Variants in NLRP2 observed in about 807,000 individuals in gnomAD.
The protein encoded by NLRP2 is NLR family pyrin domain containing 2.
Under a neutral mutation model 97.2 loss-of-function variants are expected in NLRP2, and 107 were observed. The observed-to-expected ratio is 1.10, with a 90% CI of 0.94 to 1.29. The LOEUF (loss-of-function observed/expected upper bound fraction) is 1.29, where lower values mean the gene tolerates loss of function less well. Ranked by LOEUF, NLRP2 falls within the 50% of genes most tolerant of loss-of-function variation. The probability of loss-of-function intolerance (pLI) is 0.00; values close to 1 mark genes in which losing one functional copy is unlikely to be tolerated. For synonymous variants in NLRP2, 663 were observed against 551.5 expected, an observed-to-expected ratio of 1.20 and a Z score of -2.83; for missense variants, 1,495 against 1,330.3, an observed-to-expected ratio of 1.12 and a Z score of -1.93.
intron 11 of NLRP2, among the ~76,000 whole-genome samples, chr19:54,995,089 G>A (rs750389889): frequency 1.3e-5 from 2 of 150,782 alleles, no homozygotes; most frequent in Non-Finnish European, 3.0e-5. Flanking sequence ...CGAAGCGGGC[G>A]GATCACTTAA....
At chr19:54,995,271 A>G (rs918838968) in intron 11 of NLRP2, among the ~76,000 whole-genome samples, 7 of 144,174 alleles carry the variant, frequency 4.9e-5, no homozygotes, top group Non-Finnish European at 1.1e-4. Flanking sequence ...GCTCACTGCA[A>G]CCTCCACCTC....
rs546904598 is a variant in NLRP2, at chr19:54,995,871, G to A, written c.2879+1432G>A. ...AGCCTGGCCAACACAATGAAGCCCT[G>A]TCTCTACTGAAAGTACAAAAATCCG... is the stretch of plus-strand genomic sequence containing the variant. On this transcript the variant is annotated intron_variant, in intron 11 of 12. Coordinates refer to ENST00000448584, the MANE Select transcript of NLRP2 (RefSeq NM_017852.5). Among the ~76,000 whole-genome samples the A allele has an allele frequency of 2.9e-4, 44 of 151,916 alleles. 1 individual carries two copies. The highest frequency in any genetic ancestry group is 6.8e-3 in the Middle Eastern group (2 of 294).
At chr19:55,000,672 C>T (rs1420406358) in intron 12 of NLRP2, 88 bp from the exon 13 acceptor site, 29 of 1,378,788 alleles carry the variant, frequency 2.1e-5, no homozygotes, top group Non-Finnish European at 2.9e-5. Context: ...TGCCCTGTGC[C>T]TCCTTAACAG....
chr19:54,970,107 C>T lies in NLRP2; in HGVS notation c.92C>T (p.Thr31Met), dbSNP rs775714992. 1.6e-4 allele frequency: 263 copies of T among 1,613,992 alleles called. 1 individual carries two copies. The highest frequency in any genetic ancestry group is 2.1e-4 in the South Asian group (19 of 91,090). The change falls in exon 2 of 13, where the codon ACG becomes ATG. Residue 31 changes from threonine (T) to methionine (M), a missense_variant. By Grantham distance (81) the Thr-to-Met change is moderately conservative. Coordinates refer to ENST00000448584, the MANE Select transcript of NLRP2 (RefSeq NM_017852.5). Reference protein sequence around the residue: ...DELSKFKYLITTFSLAHELQK... With the variant: ...DELSKFKYLIMTFSLAHELQK... ...TTGAGCAAGTTCAAGTATCTGATCACGACCTTCTCCCTGGCACACGAGCTC... is the reference window on the plus strand; with the variant it reads ...TTGAGCAAGTTCAAGTATCTGATCATGACCTTCTCCCTGGCACACGAGCTC...
At chr19:54,984,483 A>ATATTTTTTTTTTTTTTTTTTTTT (rs1568505832) in intron 6 of NLRP2, among the ~76,000 whole-genome samples, 1 of 46,190 alleles carries the variant, frequency 2.2e-5, no homozygotes. Flanking sequence ...TATATTCCCA[A>ATATTTTTTTTTTTTTTTTTTTTT]TCTTTTTTTT....
At chr19:54,984,932 A>G (rs111509078) in intron 6 of NLRP2, 115 bp from the exon 7 acceptor site, 18 of 960,994 alleles carry the variant, frequency 1.9e-5, no homozygotes, top group Middle Eastern at 3.1e-4. Flanking sequence ...AAGTGATTAC[A>G]TGGTCCAGCT....
chr19:54,982,844 T>C lies in NLRP2; in HGVS notation c.1146T>C (p.Phe382=), dbSNP rs768747786. The C allele has an allele frequency of 1.2e-5, 19 of 1,613,148 alleles. No individual in the cohort carries two copies. The highest frequency in any genetic ancestry group is 1.5e-5 in the Non-Finnish European group (18 of 1,179,906). Residue 382 remains phenylalanine, a synonymous_variant, in exon 6 of 13, where the codon TTT becomes TTC. Coordinates refer to ENST00000448584, the MANE Select transcript of NLRP2 (RefSeq NM_017852.5). ...ACGAGGACCAAGCCATGCGTGCCTT[T>C]GAGCTAATGAGGAGCAACGCGGCCC... ...FGDEDQAMRA[F]ELMRSNAALF... is the part of the protein sequence containing the mutation.
chr19:55,000,986 A>C lies in NLRP2; in HGVS notation c.*88A>C. ...GTGACTCCTCTCCTCCCCGGCCCCT[A>C]CCCCTCAGGGATAATGAGTTCATTG... is the stretch of plus-strand genomic sequence containing the variant. On this transcript the variant is annotated 3_prime_UTR_variant, in exon 13 of 13. Transcript: ENST00000448584. 1.7e-6 allele frequency: 2 copies of C among 1,192,278 alleles called. No individual in the cohort carries two copies. Among genetic ancestry groups the C allele is most frequent in the Non-Finnish European group, 2.5e-6 (2 of 803,606 alleles). The allele number at this position is 1,192,278 out of a possible 1,614,324, so 73.9% of individuals were successfully genotyped here.
At chr19:54,990,335 T>C in intron 9 of NLRP2, 143 bp downstream of exon 9, 1 of 1,135,260 alleles carries the variant, frequency 8.8e-7, no homozygotes, top group Non-Finnish European at 1.3e-6. Context: ...CGATGGCCTG[T>C]GAATTTTGTT....
At chr19:54,977,901 GA>G (rs1263450380) in intron 4 of NLRP2, 78 bp downstream of exon 4, 4 of 1,281,878 alleles carry the variant, frequency 3.1e-6, no homozygotes, top group Non-Finnish European at 3.4e-6. Context: ...TTCCTTTGAA[GA>G]ACCCCATCTC....
Position 55,001,036 on chromosome 19 carries a change from T to A in NLRP2, c.*138T>A. 1.3e-6 allele frequency: 1 copy of A among 752,776 alleles called. No homozygotes were observed. The highest frequency in any genetic ancestry group is 2.3e-6 in the Non-Finnish European group (1 of 436,308). The allele number at this position is 752,776 out of a possible 1,614,324, so 46.6% of individuals were successfully genotyped here. ...GCTGGGCTAGATGTTTTAGCCATGA[T>A]TCTGCCTCTGTTTTATACCTGCACA... On this transcript the variant is annotated 3_prime_UTR_variant, in exon 13 of 13. Transcript: ENST00000448584.
chr19:54,969,100 C>T (rs1344532747), intron 1 of NLRP2, among the ~76,000 whole-genome samples: 3 of 152,068 alleles, frequency 2.0e-5, no homozygotes, highest in African/African-American at 7.2e-5. Flanking sequence ...CTATGCTTGT[C>T]CTTTCATTGT....
At position 54,969,996 on chromosome 19, in the gene NLRP2, C is replaced by A; in HGVS notation, c.-17-3C>A. On this transcript the variant is annotated splice_polypyrimidine_tract_variant and splice_region_variant and intron_variant, in intron 1 of 12. Coordinates refer to ENST00000448584, the MANE Select transcript of NLRP2 (RefSeq NM_017852.5). ...TCCACTCCTCCCTTGATTGTCATCA[C>A]AGCTCCCACGTGGGACAAGATGGTG... 1 of 1,612,602 alleles carries A rather than the reference C, an allele frequency of 6.2e-7. No homozygotes were observed. Among genetic ancestry groups the A allele is most frequent in the African/African-American group, 1.3e-5 (1 of 75,000 alleles).
rs776255691 is a variant in NLRP2, at chr19:54,970,209, G to A, written c.194G>A (p.Ser65Asn). Residue 65 changes from serine to asparagine, a missense_variant, in exon 2 of 13, where the codon AGC becomes AAC. Ser to Asn is a conservative substitution (Grantham distance 46, BLOSUM62 1). Transcript: ENST00000448584. Reference protein sequence around the residue: ...LVEILTTHCDSYWVEMASLQV... With the variant: ...LVEILTTHCDNYWVEMASLQV... ...GAAATCCTCACCACCCATTGTGACA[G>A]CTACTGGGTGGAGATGGCGAGCCTC... 9.9e-6 allele frequency: 16 copies of A among 1,613,994 alleles called. No homozygotes were observed. Among genetic ancestry groups the A allele is most frequent in the East Asian group, 2.2e-5 (1 of 44,886 alleles).
intron 8 of NLRP2, among the ~76,000 whole-genome samples, chr19:54,987,137 C>T (rs914709438): frequency 6.8e-6 from 1 of 146,572 alleles, no homozygotes; most frequent in African/African-American, 2.5e-5. Context: ...TACCCCCCCA[C>T]CCCCACCCCA....
intron 2 of NLRP2, among the ~76,000 whole-genome samples, chr19:54,972,484 CT>C (rs994082200): frequency 1.3e-5 from 2 of 151,880 alleles, no homozygotes; most frequent in East Asian, 3.9e-4. Context: ...CCCAGCTACA[CT>C]TTTTTTTGAA....
intron 12 of NLRP2, among the ~76,000 whole-genome samples, chr19:54,998,143 C>A (rs1051221706): frequency 6.6e-6 from 1 of 151,252 alleles, no homozygotes; most frequent in East Asian, 1.9e-4. Flanking sequence ...TTCAGCCTCC[C>A]AAGTAGCTGG....
At position 54,990,828 on chromosome 19, in the gene NLRP2, G is replaced by GA. The variant is rs1055459533; in HGVS notation, c.2708+162dup. 12 of 741,380 alleles carry GA rather than the reference G, an allele frequency of 1.6e-5. No individual in the cohort carries two copies. In the Admixed American group the frequency reaches 2.6e-4, roughly 16 times the overall value. The allele number at this position is 741,380 out of a possible 1,614,324, so 45.9% of individuals were successfully genotyped here. ...GTAAGACCTGGGTAGATGATGGTAG[G>GA]AAAAAAGTATAAGTAGTAGTAGAGT... On this transcript the variant is annotated intron_variant, in intron 10 of 12. Coordinates refer to ENST00000448584, the MANE Select transcript of NLRP2 (RefSeq NM_017852.5).
intron 12 of NLRP2, among the ~76,000 whole-genome samples, chr19:54,998,167 C>T (rs1040392447): frequency 1.3e-5 from 2 of 151,624 alleles, no homozygotes; most frequent in African/African-American, 4.8e-5. Context: ...TACAGGCATG[C>T]ACCACCACAC....
Sources: allele counts gnomAD v4.1 joint callset (sites outside exome capture counted in the v4.1 genomes callset), GRCh38; gene constraint gnomAD v4.1.1; transcripts MANE v1.5; gene names NCBI Gene and HGNC (gene_info 2026-07-23, HGNC 2026-07-21).